Variants in EGF observed in about 807,000 individuals in gnomAD.
EGF encodes epidermal growth factor, also known as pro-epidermal growth factor.
EGF carries 95 observed loss-of-function variants against 143.8 expected under a neutral mutation model. That is an observed-to-expected ratio of 0.66 (90% CI 0.56 to 0.78). EGF has a LOEUF of 0.78. Among genes scored for constraint, EGF ranks in the 30% least tolerant of loss-of-function variants. The probability of loss-of-function intolerance (pLI) is 0.00; values close to 1 mark genes in which losing one functional copy is unlikely to be tolerated. For missense variants in EGF, 1,320 were observed against 1,470.9 expected (o/e 0.90, Z 1.68); for synonymous variants, 510 against 510.5 (o/e 1.00, Z 0.01).
intron 16 of EGF, 148 bp downstream of exon 16, chr4:109,983,689 T>C: frequency 9.1e-7 from 1 of 1,095,114 alleles, no homozygotes; most frequent in Non-Finnish European, 1.3e-6. Flanking sequence ...GTCTGTCTCT[T>C]CTGAATGATG....
chr4:110,000,117 G>A (rs1752370157), intron 21 of EGF, among the ~76,000 whole-genome samples: 1 of 151,998 alleles, frequency 6.6e-6, no homozygotes. Flanking sequence ...CAGGCGTAGT[G>A]ATGCACACCA....
intron 21 of EGF, chr4:110,004,249 C>A: frequency 4.1e-6 from 2 of 493,394 alleles, no homozygotes; most frequent in Non-Finnish European, 7.4e-6. Flanking sequence ...CACACACACA[C>A]ACAAACACAC....
At chr4:109,935,904 C>T (rs994007057) in intron 1 of EGF, among the ~76,000 whole-genome samples, 36 of 152,224 alleles carry the variant, frequency 2.4e-4, no homozygotes, top group African/African-American at 7.0e-4. Context: ...CCAACTCGGT[C>T]GTGGTGGATA....
chr4:110,012,585 T>C lies in EGF; in HGVS notation c.*1130T>C, dbSNP rs1213986963. Among the ~76,000 whole-genome samples the C allele has an allele frequency of 6.6e-6, 1 of 152,144 alleles. No individual in the cohort carries two copies. Among genetic ancestry groups the C allele is most frequent in the South Asian group, 2.1e-4 (1 of 4,832 alleles). ...TGTAGACATGGGGATCACACAATGT[T>C]GCCCAGGCTGGTCTTGAACTCCTGG... is the stretch of plus-strand genomic sequence containing the variant. On this transcript the variant is annotated 3_prime_UTR_variant, in exon 24 of 24. Coordinates refer to ENST00000265171, the MANE Select transcript of EGF (RefSeq NM_001963.6).
intron 22 of EGF, among the ~76,000 whole-genome samples, chr4:110,005,519 C>A (rs1324984387): frequency 6.6e-6 from 1 of 152,064 alleles, no homozygotes; most frequent in East Asian, 1.9e-4. Context: ...AATTTAAATT[C>A]AAAATTAAAT....
chr4:109,973,032 T>C (rs1356497830), intron 11 of EGF, among the ~76,000 whole-genome samples: 1 of 152,166 alleles, frequency 6.6e-6, no homozygotes, highest in African/African-American at 2.4e-5. Context: ...TATATTCTGG[T>C]TTGCAGCAGG....
intron 1 of EGF, 134 bp from the exon 2 acceptor site, chr4:109,940,812 A>G (rs1741799516): frequency 6.6e-6 from 6 of 903,980 alleles, no homozygotes; most frequent in Non-Finnish European, 1.0e-5. Flanking sequence ...TTGTCTATAA[A>G]TAGACTTTAT....
rs1754047105 is a variant in EGF, at chr4:110,012,130, T to C, written c.*675T>C. The C allele has an allele frequency of 6.6e-6, 1 of 152,264 alleles. No individual in the cohort carries two copies. Among genetic ancestry groups the C allele is most frequent in the Admixed American group, 6.5e-5 (1 of 15,294 alleles). The allele number at this position is 152,264 out of a possible 1,614,324, so 9.4% of individuals were successfully genotyped here. A position where few individuals can be genotyped will look rare whatever the true frequency, so the allele number is the denominator to read the frequency against. On this transcript the variant is annotated 3_prime_UTR_variant, in exon 24 of 24. Coordinates refer to ENST00000265171, the MANE Select transcript of EGF (RefSeq NM_001963.6). The stretch of plus-strand genomic sequence containing the variant: ...TACTGTCCTTTTCCCCTACAGAATT[T>C]TCCCTCTTGGTGTGATTGCACAGAA...
At chr4:109,962,060 CTTG>C in intron 8 of EGF, 75 bp downstream of exon 8, 1 of 1,597,112 alleles carries the variant, frequency 6.3e-7, no homozygotes. Flanking sequence ...AAAAATTGAT[CTTG>C]TTGTCAAGGA....
chr4:109,969,038 G>A lies in EGF; in HGVS notation c.1643G>A (p.Arg548Lys), dbSNP rs373947240. ...AATATGGATGGTTCCCAGCGAGAAA[G>A]GCTTATTGAGGAAGGAGTAGATGTG... Reference protein sequence around the residue: ...RANMDGSQRERLIEEGVDVPE... With the variant: ...RANMDGSQREKLIEEGVDVPE... Residue 548 changes from arginine (R) to lysine (K), a missense_variant, in exon 11 of 24, where the codon AGG becomes AAG. By Grantham distance (26) the Arg-to-Lys change is conservative. Coordinates refer to ENST00000265171, the MANE Select transcript of EGF (RefSeq NM_001963.6). 3.1e-6 allele frequency: 5 copies of A among 1,614,086 alleles called. No homozygotes were observed. Among genetic ancestry groups the A allele is most frequent in the Non-Finnish European group, 4.2e-6 (5 of 1,180,032 alleles).
chr4:109,932,504 G>A (rs1411661770), intron 1 of EGF, among the ~76,000 whole-genome samples: 4 of 149,670 alleles, frequency 2.7e-5, no homozygotes, highest in South Asian at 4.2e-4. Flanking sequence ...TCAGCCTCCC[G>A]AGTATCTGGG....
chr4:109,923,409 G>A (rs752878844), intron 1 of EGF, among the ~76,000 whole-genome samples: 5 of 151,476 alleles, frequency 3.3e-5, no homozygotes, highest in Non-Finnish European at 5.9e-5. Flanking sequence ...TAAATTTAAA[G>A]CTGGTTAAAA....
In EGF at chr4:109,913,354, A is replaced by G. The variant is rs2125913655; in HGVS notation, c.19A>G (p.Ile7Val). The change falls in exon 1 of 24, where the codon ATT becomes GTT. Residue 7 changes from isoleucine (I) to valine (V), a missense_variant. By Grantham distance (29) the Ile-to-Val change is conservative. Transcript: ENST00000265171. ...CAAGATTATGCTGCTCACTCTTATC[A>G]TTCTGTTGCCAGTAGTTTCAAAATT... is the stretch of plus-strand genomic sequence containing the variant. MLLTLI[I>V]LLPVVSKFSF... 6.2e-7 allele frequency: 1 copy of G among 1,613,970 alleles called. No homozygotes were observed.
chr4:109,953,640 T>C (rs1744300512), intron 5 of EGF, among the ~76,000 whole-genome samples: 2 of 152,232 alleles, frequency 1.3e-5, no homozygotes, highest in South Asian at 4.1e-4. Flanking sequence ...CTGTAATTAT[T>C]ACCATTTTGA....
chr4:109,938,323 C>T lies in EGF; in HGVS notation c.128-2623C>T, dbSNP rs143528033. Among the ~76,000 whole-genome samples, 11 of 152,302 alleles carry T rather than the reference C, an allele frequency of 7.2e-5. No homozygotes were observed. The East Asian group carries it at 1.9e-3, about 27-fold the overall frequency. On this transcript the variant is annotated intron_variant, in intron 1 of 23. Coordinates refer to ENST00000265171, the MANE Select transcript of EGF (RefSeq NM_001963.6). ...ATTGAATTGACTATTGAAGCTTGTG[C>T]ATGTGTCACGAAGTTCCTGTGCTGT...
chr4:109,918,637 G>A (rs528625974), intron 1 of EGF, among the ~76,000 whole-genome samples: 3 of 151,946 alleles, frequency 2.0e-5, no homozygotes, highest in African/African-American at 4.8e-5. Flanking sequence ...CTCATGTACT[G>A]TCCCTTTCCC....
chr4:109,914,792 T>C (rs1324168487), intron 1 of EGF, among the ~76,000 whole-genome samples: 2 of 152,142 alleles, frequency 1.3e-5, no homozygotes, highest in Non-Finnish European at 2.9e-5. Context: ...ACTCAGCTGT[T>C]GGAGACAGAA....
intron 13 of EGF, among the ~76,000 whole-genome samples, chr4:109,978,793 C>T (rs559305841): frequency 6.6e-6 from 1 of 152,298 alleles, no homozygotes; most frequent in Admixed American, 6.5e-5. Flanking sequence ...GTACTTAAGG[C>T]TTTAATTTGG....
chr4:109,957,065 A>G (rs1448786363), intron 5 of EGF, among the ~76,000 whole-genome samples: 4 of 152,118 alleles, frequency 2.6e-5, no homozygotes, highest in South Asian at 2.1e-4. Context: ...GGTTATCTCA[A>G]TGTACACTAG....
Sources: allele counts gnomAD v4.1 joint callset (sites outside exome capture counted in the v4.1 genomes callset), GRCh38; gene constraint gnomAD v4.1.1; transcripts MANE v1.5; gene names NCBI Gene and HGNC (gene_info 2026-07-23, HGNC 2026-07-21).